Variants in ZNF431 observed in about 807,000 individuals in gnomAD.
The protein encoded by ZNF431 is zinc finger protein 431.
A neutral mutation model predicts 57.0 loss-of-function variants in ZNF431; 34 were observed. The ratio of observed to expected loss-of-function variants is 0.60; its 90% confidence interval spans 0.45 to 0.79. The LOEUF (loss-of-function observed/expected upper bound fraction) is 0.79, where lower values mean the gene tolerates loss of function less well. Among genes scored for constraint, ZNF431 ranks in the 30% least tolerant of loss-of-function variants. The pLI, the probability that ZNF431 is intolerant of heterozygous loss-of-function variation, is 0.00. For missense variants in ZNF431, 607 were observed against 667.1 expected (o/e 0.91, Z 0.99); for synonymous variants, 207 against 220.3 (o/e 0.94, Z 0.54).
Position 21,167,569 on chromosome 19 carries a change from A to C in ZNF431, c.224-2A>C, listed in dbSNP as rs764752892. On this transcript the variant is annotated splice_acceptor_variant, in intron 3 of 4. Coordinates refer to ENST00000311048, the MANE Select transcript of ZNF431 (RefSeq NM_133473.4). LOFTEE classifies it high-confidence loss of function. The stretch of plus-strand genomic sequence containing the variant: ...TCATGTTATTTATTTTTAATAAAGC[A>C]GGTGTTGCTGTCTCTAAGCAAGACC... 6.4e-6 allele frequency: 10 copies of C among 1,555,262 alleles called. No homozygotes were observed. The highest frequency in any genetic ancestry group is 8.7e-6 in the Non-Finnish European group (10 of 1,152,824).
chr19:21,165,153 A>G (rs1487353610), intron 2 of ZNF431, among the ~76,000 whole-genome samples: 1 of 151,722 alleles, frequency 6.6e-6, no homozygotes, highest in Non-Finnish European at 1.5e-5. Flanking sequence ...ATGGCTTCTT[A>G]TATGCAATGC....
intron 4 of ZNF431, among the ~76,000 whole-genome samples, chr19:21,173,393 C>T (rs1289585505): frequency 1.3e-5 from 2 of 152,166 alleles, no homozygotes; most frequent in African/African-American, 4.8e-5. Flanking sequence ...TCCTTCTTTT[C>T]TACCAACAAT....
intron 4 of ZNF431, among the ~76,000 whole-genome samples, chr19:21,181,788 T>C (rs1971216739): frequency 6.6e-6 from 1 of 152,130 alleles, no homozygotes; most frequent in Admixed American, 6.5e-5. Flanking sequence ...GTATACATCT[T>C]TTTTATGGTT....
Position 21,143,578 on chromosome 19 carries a change from C to G in ZNF431, c.31C>G (p.Leu11Val). The change falls in exon 2 of 5, where the codon CTC becomes GTC. Residue 11 changes from leucine (L) to valine (V), a missense_variant. Coordinates refer to ENST00000311048, the MANE Select transcript of ZNF431 (RefSeq NM_133473.4). The part of the protein sequence containing the change: MDDLKYGVYP[L>V]KEASGCPGAE... Reference sequence around the variant, plus strand: ...CGACTTGAAATATGGAGTGTATCCTCTCAAGGAAGCAAGTGGATGCCCTGG... The same window carrying G: ...CGACTTGAAATATGGAGTGTATCCTGTCAAGGAAGCAAGTGGATGCCCTGG... The G allele has an allele frequency of 6.2e-7, 1 of 1,613,878 alleles. No individual in the cohort carries two copies. Among genetic ancestry groups the G allele is most frequent in the Non-Finnish European group, 8.5e-7 (1 of 1,179,776 alleles).
intron 2 of ZNF431, among the ~76,000 whole-genome samples, chr19:21,158,182 T>C (rs917377700): frequency 2.6e-5 from 4 of 152,108 alleles, no homozygotes; most frequent in African/African-American, 9.7e-5. Flanking sequence ...GTTTTTTTAA[T>C]TTGTTTGTGT....
At chr19:21,162,854 C>G (rs1568303809) in intron 2 of ZNF431, 1 of 674,234 alleles carries the variant, frequency 1.5e-6, no homozygotes, top group Non-Finnish European at 1.8e-6. Context: ...AACTTGTTTT[C>G]TATTCCTGCA....
chr19:21,143,919 TG>T (rs1970010525), intron 2 of ZNF431, among the ~76,000 whole-genome samples: 1 of 151,924 alleles, frequency 6.6e-6, no homozygotes. Flanking sequence ...TCTAGTGAGA[TG>T]GTGTAAGAAC....
At position 21,195,116 on chromosome 19, in the gene ZNF431, T is replaced by C. The variant is rs1293077557; in HGVS notation, c.*11082T>C. ...GTGTAAACAACAGTGATTGCTCCTG[T>C]GGCCCTGTGATTCAGCAGGTTTATG... On this transcript the variant is annotated 3_prime_UTR_variant, in exon 5 of 5. Coordinates refer to ENST00000311048, the MANE Select transcript of ZNF431 (RefSeq NM_133473.4). 1 of 149,256 alleles carries C rather than the reference T, an allele frequency of 6.7e-6. No individual in the cohort carries two copies. The highest frequency in any genetic ancestry group is 2.5e-5 in the African/African-American group (1 of 39,956). The allele number at this position is 149,256 out of a possible 1,614,324, so 9.2% of individuals were successfully genotyped here.
At chr19:21,151,033 CTT>C (rs1003036184) in intron 2 of ZNF431, 3 of 152,016 alleles carry the variant, frequency 2.0e-5, no homozygotes, top group African/African-American at 7.3e-5. Context: ...CTTAAGCTGA[CTT>C]TTAACCACAG....
Position 21,194,953 on chromosome 19 carries a change from T to C in ZNF431, c.*10919T>C, listed in dbSNP as rs1971578159. 1 of 152,202 alleles carries C rather than the reference T, an allele frequency of 6.6e-6. No homozygotes were observed. Among genetic ancestry groups the C allele is most frequent in the African/African-American group, 2.4e-5 (1 of 41,446 alleles). The allele number at this position is 152,202 out of a possible 1,614,324, so 9.4% of individuals were successfully genotyped here. On this transcript the variant is annotated 3_prime_UTR_variant, in exon 5 of 5. Transcript: ENST00000311048. The stretch of plus-strand genomic sequence containing the variant: ...CAGAGTTATCAGGGAGGTGGGACTA[T>C]TGCTTTATGAACGTGATGATTGGAA...
At chr19:21,163,626 A>T (rs1255777515) in intron 2 of ZNF431, among the ~76,000 whole-genome samples, 1 of 152,050 alleles carries the variant, frequency 6.6e-6, no homozygotes. Flanking sequence ...GGTTTAAGCG[A>T]TTCTCCTGCC....
At position 21,190,404 on chromosome 19, in the gene ZNF431, G is replaced by T. The variant is rs755545805; in HGVS notation, c.*6370G>T. On this transcript the variant is annotated 3_prime_UTR_variant, in exon 5 of 5. Transcript: ENST00000311048. ...ACCTGGTAGTTTTTTTGATAAATCT[G>T]TATTTTGTTTTTCGTAATGGCTATC... 1 of 152,140 alleles carries T rather than the reference G, an allele frequency of 6.6e-6. No homozygotes were observed. Among genetic ancestry groups the T allele is most frequent in the Non-Finnish European group, 1.5e-5 (1 of 68,036 alleles). The allele number at this position is 152,140 out of a possible 1,614,324, so 9.4% of individuals were successfully genotyped here. A position where few individuals can be genotyped will look rare whatever the true frequency, so the allele number is the denominator to read the frequency against.
intron 4 of ZNF431, among the ~76,000 whole-genome samples, chr19:21,178,793 TTGTG>T (rs61125024): frequency 8.1e-5 from 12 of 148,662 alleles, no homozygotes; most frequent in East Asian, 4.0e-4. Flanking sequence ...ACTTGAAGGT[TTGTG>T]TGTGTGTGTG....
At chr19:21,167,730 T>G in intron 4 of ZNF431, 64 bp downstream of exon 4, 3 of 1,002,104 alleles carry the variant, frequency 3.0e-6, no homozygotes, top group Non-Finnish European at 4.2e-6. Flanking sequence ...AAAAAAAAAA[T>G]GTGCCAGTCC....
At position 21,182,730 on chromosome 19, in the gene ZNF431, C is replaced by G. The variant is rs1037033410; in HGVS notation, c.427C>G (p.Gln143Glu). ...TGGCAAATGTGAACATGAGAATTTA[C>G]AGTTAAGAAAAGGCTCCGCAAGTGT... is the stretch of plus-strand genomic sequence containing the variant. ...RYGKCEHENL[Q>E]LRKGSASVDE... Residue 143 changes from glutamine (Q) to glutamate (E), a missense_variant, in exon 5 of 5, where the codon CAG becomes GAG. By Grantham distance (29) the Gln-to-Glu change is conservative. Transcript: ENST00000311048. 10 of 1,613,728 alleles carry G rather than the reference C, an allele frequency of 6.2e-6. No individual in the cohort carries two copies. The highest frequency in any genetic ancestry group is 8.5e-6 in the Non-Finnish European group (10 of 1,179,860).
At chr19:21,171,328 T>C (rs1456466671) in intron 4 of ZNF431, among the ~76,000 whole-genome samples, 1 of 152,330 alleles carries the variant, frequency 6.6e-6, no homozygotes, top group Admixed American at 6.5e-5. Context: ...TAATGTTGCA[T>C]ACCAGATTTT....
chr19:21,172,143 A>G (rs1178281227), intron 4 of ZNF431, among the ~76,000 whole-genome samples: 2 of 151,976 alleles, frequency 1.3e-5, no homozygotes, highest in Non-Finnish European at 2.9e-5. Flanking sequence ...GTAAAAACAT[A>G]ACAGGCCAGT....
At chr19:21,181,462 T>A (rs1466503492) in intron 4 of ZNF431, among the ~76,000 whole-genome samples, 2 of 152,192 alleles carry the variant, frequency 1.3e-5, no homozygotes, top group African/African-American at 4.8e-5. Context: ...GGCTATCTCA[T>A]AAGACTATGC....
At position 21,183,911 on chromosome 19, in the gene ZNF431, A is replaced by T; in HGVS notation, c.1608A>T (p.Arg536Ser). The T allele has an allele frequency of 6.2e-7, 1 of 1,613,942 alleles. No homozygotes were observed. Among genetic ancestry groups the T allele is most frequent in the Non-Finnish European group, 8.5e-7 (1 of 1,179,836 alleles). The change falls in exon 5 of 5, where the codon AGA (arginine) becomes AGT (serine). Residue 536 changes from arginine to serine, a missense_variant. Coordinates refer to ENST00000311048, the MANE Select transcript of ZNF431 (RefSeq NM_133473.4). ...CTAAACATAGGAAAATTCATACTAG[A>T]CAGAAACCCTACAACTGTGAAGAAT... ...TLTKHRKIHT[R>S]QKPYNCEECD...
Sources: allele counts gnomAD v4.1 joint callset (sites outside exome capture counted in the v4.1 genomes callset), GRCh38; gene constraint gnomAD v4.1.1; transcripts MANE v1.5; gene names NCBI Gene and HGNC (gene_info 2026-07-23, HGNC 2026-07-21).